NCAM1: variants seen among roughly 807,000 people sequenced by gnomAD.
NCAM1 encodes the protein antigen recognized by monoclonal antibody 5.1H11.
In NCAM1, 14 loss-of-function variants were observed where a neutral mutation model predicts 109.8. The observed-to-expected ratio is 0.13, with a 90% CI of 0.08 to 0.20. The LOEUF (loss-of-function observed/expected upper bound fraction) is 0.20, where lower values mean the gene tolerates loss of function less well. Ranked by LOEUF, NCAM1 falls within the 10% of genes least tolerant of loss-of-function variation. The pLI, the probability that NCAM1 is intolerant of heterozygous loss-of-function variation, is 1.00. For missense variants in NCAM1, 774 were observed against 1,109.9 expected, an observed-to-expected ratio of 0.70 and a Z score of 4.30; for synonymous variants, 418 against 442.9, an observed-to-expected ratio of 0.94 and a Z score of 0.70.
At position 113,189,595 on chromosome 11, in the gene NCAM1, G is replaced by C. The variant is rs1366138531; in HGVS notation, c.53-12784G>C. Among the ~76,000 whole-genome samples, 8 of 152,224 alleles carry C rather than the reference G, an allele frequency of 5.3e-5. No homozygotes were observed. The East Asian group carries it at 1.2e-3, about 22-fold the overall frequency. ...TTACTTGTCCCTGACCTTTGAATTG[G>C]TTCCTTGGGACTCCATTCTGATTTT... On this transcript the variant is annotated intron_variant, in intron 1 of 19. Coordinates refer to ENST00000316851, the MANE Select transcript of NCAM1 (RefSeq NM_181351.5).
rs781843808 is a variant in NCAM1 at position 112,961,454 on chromosome 11, G to C, written c.-159G>C. 2.6e-6 allele frequency: 2 copies of C among 771,594 alleles called. No individual in the cohort carries two copies. Among genetic ancestry groups the C allele is most frequent in the South Asian group, 2.8e-5 (2 of 72,502 alleles). The allele number at this position is 771,594 out of a possible 1,614,324, so 47.8% of individuals were successfully genotyped here. A position where few individuals can be genotyped will look rare whatever the true frequency, so the allele number is the denominator to read the frequency against. ...CCGATCAGCGCGTGAACGCAGCTCG[G>C]CTGCCGCTGGCAGGAAACAATTCTG... is the stretch of plus-strand genomic sequence containing the variant. On this transcript the variant is annotated 5_prime_UTR_variant, in exon 1 of 20. Coordinates refer to ENST00000316851, the MANE Select transcript of NCAM1 (RefSeq NM_181351.5).
chr11:113,165,341 CCT>C (rs1299772447), intron 1 of NCAM1, among the ~76,000 whole-genome samples: 1 of 152,184 alleles, frequency 6.6e-6, no homozygotes, highest in African/African-American at 2.4e-5. Flanking sequence ...ATTTCTAAGT[CCT>C]CTTTAGAGCT....
At chr11:113,263,212 A>C in intron 17 of NCAM1, 2 of 1,093,894 alleles carry the variant, frequency 1.8e-6, no homozygotes, top group Non-Finnish European at 1.1e-6. Context: ...ATCATGCTAG[A>C]TTTACAGAGA....
intron 14 of NCAM1, 96 bp downstream of exon 14, chr11:113,235,260 A>G: frequency 1.9e-6 from 3 of 1,607,232 alleles, no homozygotes; most frequent in South Asian, 2.2e-5. Context: ...TGTTCAGACC[A>G]CAGCTTTTTG....
Position 113,185,068 on chromosome 11 carries a change from T to TTATATATATATATATATATATATATA in NCAM1, c.53-17299_53-17298insTATATATATATATATATATATATATA, listed in dbSNP as rs148340673. On this transcript the variant is annotated intron_variant, in intron 1 of 19. Transcript: ENST00000316851. ...TATGTGTATGTGTGTGCATTTATAT[T>TTATATATATATATATATATATATATA]TATATATATATAGAGAGAGAGAGAG... Among the ~76,000 whole-genome samples, 11 of 99,616 alleles carry TTATATATATATATATATATATATATA rather than the reference T, an allele frequency of 1.1e-4. 1 individual carries two copies. The highest frequency in any genetic ancestry group is 7.3e-4 in the South Asian group (2 of 2,732). The allele number at this position is 99,616 out of a possible 152,430, so 65.4% of individuals were successfully genotyped here.
chr11:113,032,470 G>C (rs1555078490), intron 1 of NCAM1, among the ~76,000 whole-genome samples: 1 of 152,158 alleles, frequency 6.6e-6, no homozygotes, highest in Non-Finnish European at 1.5e-5. Flanking sequence ...TGACTCACAG[G>C]AAAGAGGGAG....
intron 10 of NCAM1, among the ~76,000 whole-genome samples, 167 bp from the exon 11 acceptor site, chr11:113,232,003 G>A (rs1945024905): frequency 6.6e-6 from 1 of 152,144 alleles, no homozygotes; most frequent in South Asian, 2.1e-4. Context: ...GTGCCCTTGA[G>A]TCTTCTTCCC....
At chr11:112,971,922 T>C (rs183496435) in intron 1 of NCAM1, among the ~76,000 whole-genome samples, 278 of 152,298 alleles carry the variant, frequency 1.8e-3, no homozygotes, top group South Asian at 8.3e-3. Flanking sequence ...GGTATATTTT[T>C]TAAAGCAGAT....
chr11:113,219,015 T>C (rs1221116741), intron 8 of NCAM1, among the ~76,000 whole-genome samples: 11 of 152,226 alleles, frequency 7.2e-5, no homozygotes, highest in Non-Finnish European at 1.2e-4. Context: ...GACCCGTGGA[T>C]GATGATTTAC....
intron 1 of NCAM1, among the ~76,000 whole-genome samples, chr11:113,042,599 T>C (rs1953117148): frequency 6.6e-6 from 1 of 152,200 alleles, no homozygotes; most frequent in South Asian, 2.1e-4. Context: ...CAGCCCACAC[T>C]TCCAGTGCCT....
intron 1 of NCAM1, among the ~76,000 whole-genome samples, chr11:113,188,657 T>A (rs1408374341): frequency 6.6e-6 from 1 of 152,216 alleles, no homozygotes; most frequent in African/African-American, 2.4e-5. Context: ...GTTGATTCTA[T>A]TTTTAAAGAA....
chr11:112,991,043 T>A (rs1555070497), intron 1 of NCAM1, among the ~76,000 whole-genome samples: 2 of 152,188 alleles, frequency 1.3e-5, no homozygotes, highest in African/African-American at 4.8e-5. Context: ...CGGTGTTCTC[T>A]TGTGTTTTCT....
In NCAM1 at chr11:113,202,279, A is replaced by G. The variant is rs79762605; in HGVS notation, c.53-100A>G. ...TGGGAAGCCTATTTTTGAATGGAAG[A>G]TCTGGGTTTCATTCTTGAACATTGG... On this transcript the variant is annotated intron_variant, in intron 1 of 19. Coordinates refer to ENST00000316851, the MANE Select transcript of NCAM1 (RefSeq NM_181351.5). 2.8e-4 allele frequency: 338 copies of G among 1,188,832 alleles called. 3 individuals are homozygous for G. The African/African-American group carries it at 4.8e-3, about 17-fold the overall frequency. The allele number at this position is 1,188,832 out of a possible 1,614,324, so 73.6% of individuals were successfully genotyped here. A position where few individuals can be genotyped will look rare whatever the true frequency, so the allele number is the denominator to read the frequency against.
chr11:113,185,079 T>TATATATATATATATAG, intron 1 of NCAM1, among the ~76,000 whole-genome samples: 281 of 125,710 alleles, frequency 2.2e-3, no homozygotes, highest in East Asian at 5.2e-3. Flanking sequence ...TATATATATA[T>TATATATATATATATAG]AGAGAGAGAG....
chr11:113,023,992 G>A (rs1363506972), intron 1 of NCAM1, among the ~76,000 whole-genome samples: 1 of 152,182 alleles, frequency 6.6e-6, no homozygotes, highest in Non-Finnish European at 1.5e-5. Flanking sequence ...TAGCTCTCCA[G>A]TTGCTTTCAG....
intron 1 of NCAM1, among the ~76,000 whole-genome samples, chr11:112,986,921 T>G (rs1951321247): frequency 6.6e-6 from 1 of 152,124 alleles, no homozygotes; most frequent in Non-Finnish European, 1.5e-5. Flanking sequence ...TGTTATGTCT[T>G]TTTTAAATTA....
In NCAM1 at chr11:113,115,517, G is replaced by A. The variant is rs143864437; in HGVS notation, c.53-86862G>A. On this transcript the variant is annotated intron_variant, in intron 1 of 19. Coordinates refer to ENST00000316851, the MANE Select transcript of NCAM1 (RefSeq NM_181351.5). ...ACCCTACCCTCCACCTCACTGGCAA[G>A]GGTGCCAGCAGTGTCTTTTAGATTC... 6.5e-3 allele frequency among the ~76,000 whole-genome samples: 989 copies of A among 152,314 alleles called. 5 individuals carry two copies. The highest frequency in any genetic ancestry group is 0.012 in the Non-Finnish European group (811 of 68,032).
At chr11:113,130,719 C>T (rs2136115869) in intron 1 of NCAM1, 1 of 152,292 alleles carries the variant, frequency 6.6e-6, no homozygotes, top group South Asian at 2.1e-4. Flanking sequence ...TAAGTCCTGG[C>T]TTCCCCTAGT....
At chr11:113,106,778 C>T (rs1332533279) in intron 1 of NCAM1, among the ~76,000 whole-genome samples, 1 of 152,142 alleles carries the variant, frequency 6.6e-6, no homozygotes, top group Non-Finnish European at 1.5e-5. Flanking sequence ...TTCTGCAATT[C>T]TGGGATGCTC....
Sources: gnomAD v4.1 joint callset for allele counts (sites outside exome capture counted in the v4.1 genomes callset) on GRCh38, gnomAD v4.1.1 for gene constraint, MANE v1.5 for transcripts, NCBI Gene and HGNC (gene_info 2026-07-23, HGNC 2026-07-21) for gene names.